NT5E: variants seen among roughly 807,000 people sequenced by gnomAD.
NT5E encodes 5'-nucleotidase ecto.
In NT5E, 53 loss-of-function variants were observed where a neutral mutation model predicts 55.1. That is an observed-to-expected ratio of 0.96 (90% CI 0.77 to 1.21). The LOEUF (loss-of-function observed/expected upper bound fraction) is 1.21. Ranked by LOEUF, NT5E falls within the 50% of genes most tolerant of loss-of-function variation. NT5E has a pLI of 0.00. For synonymous variants in NT5E, 270 were observed against 278.4 expected (o/e 0.97, Z 0.30); for missense variants, 683 against 724.3 (o/e 0.94, Z 0.65).
At chr6:85,458,906 C>T (rs1019842352) in intron 1 of NT5E, among the ~76,000 whole-genome samples, 2 of 152,182 alleles carry the variant, frequency 1.3e-5, no homozygotes, top group African/African-American at 2.4e-5. Flanking sequence ...CTGGGTTGAA[C>T]CCCAGGGTGT....
chr6:85,484,595 G>A (rs1769611698), intron 3 of NT5E, among the ~76,000 whole-genome samples: 1 of 152,142 alleles, frequency 6.6e-6, no homozygotes, highest in Admixed American at 6.5e-5. Context: ...GACACCTGAA[G>A]GGATGCAGAA....
At chr6:85,465,233 A>G (rs1769168651) in intron 1 of NT5E, among the ~76,000 whole-genome samples, 1 of 152,340 alleles carries the variant, frequency 6.6e-6, no homozygotes, top group African/African-American at 2.4e-5. Context: ...GAAGGCATCA[A>G]ACAAATAAAT....
At chr6:85,476,898 TG>T (rs796205200) in intron 3 of NT5E, among the ~76,000 whole-genome samples, 3 of 151,834 alleles carry the variant, frequency 2.0e-5, no homozygotes, top group African/African-American at 2.4e-5. Context: ...GGGGACAGGA[TG>T]GGGGGCAGGG....
At chr6:85,467,856 G>T (rs560302399) in intron 2 of NT5E, among the ~76,000 whole-genome samples, 6 of 151,362 alleles carry the variant, frequency 4.0e-5, no homozygotes, top group Non-Finnish European at 7.4e-5. Context: ...ATACACATAT[G>T]TATATATAAT....
intron 8 of NT5E, among the ~76,000 whole-genome samples, chr6:85,492,767 C>A (rs1769812976): frequency 1.3e-5 from 2 of 152,194 alleles, no homozygotes; most frequent in African/African-American, 4.8e-5. Flanking sequence ...ACATAGGACA[C>A]ACTTCCCCTT....
intron 1 of NT5E, among the ~76,000 whole-genome samples, chr6:85,453,738 A>T (rs556087732): frequency 6.6e-6 from 1 of 152,162 alleles, no homozygotes; most frequent in Non-Finnish European, 1.5e-5. Context: ...GCCCTAGCCA[A>T]TTGCTCCTAA....
At chr6:85,467,377 C>G (rs1769218132) in intron 2 of NT5E, 95 bp downstream of exon 2, 7 of 1,008,534 alleles carry the variant, frequency 6.9e-6, no homozygotes, top group Admixed American at 1.9e-5. Context: ...AAAGTAGGAA[C>G]AACTGGGTAA....
chr6:85,450,116 G>T lies in NT5E; in HGVS notation c.-24G>T. 3 of 1,540,290 alleles carry T rather than the reference G, an allele frequency of 1.9e-6. No individual in the cohort carries two copies. Among genetic ancestry groups the T allele is most frequent in the Non-Finnish European group, 2.6e-6 (3 of 1,146,494 alleles). On this transcript the variant is annotated 5_prime_UTR_variant, in exon 1 of 9. Coordinates refer to ENST00000257770, the MANE Select transcript of NT5E (RefSeq NM_002526.4). The surrounding 1 kb of genome is among the most constrained non-coding windows in gnomAD (Gnocchi z 4.0). ...GCACTCGCCCGGCTCGCCCGCTTTCGCACCCAGTTCACGCGCCACAGCTAT... is the reference window on the plus strand; with the variant it reads ...GCACTCGCCCGGCTCGCCCGCTTTCTCACCCAGTTCACGCGCCACAGCTAT...
chr6:85,468,048 A>G (rs1769230162), intron 2 of NT5E, among the ~76,000 whole-genome samples: 1 of 152,184 alleles, frequency 6.6e-6, no homozygotes, highest in Non-Finnish European at 1.5e-5. Flanking sequence ...AATTATCCAA[A>G]TTAAATGTGT....
intron 1 of NT5E, among the ~76,000 whole-genome samples, chr6:85,461,762 G>A (rs929057322): frequency 6.6e-6 from 1 of 152,198 alleles, no homozygotes; most frequent in African/African-American, 2.4e-5. Flanking sequence ...TTAAGACATT[G>A]GGAGATGGGA....
chr6:85,487,335 A>G lies in NT5E; in HGVS notation c.950A>G (p.Asp317Gly). 1 of 1,612,964 alleles carries G rather than the reference A, an allele frequency of 6.2e-7. No individual in the cohort carries two copies. The highest frequency in any genetic ancestry group is 8.5e-7 in the Non-Finnish European group (1 of 1,178,968). ...PILLNSSIPE[D>G]PSIKADINKW... ...GGGTACCTTCTTTTCTTTCTTCTAG[A>G]TCCAAGCATAAAAGCAGACATTAAC... Residue 317 changes from aspartate to glycine, a missense_variant and splice_region_variant, in exon 5 of 9, where the codon GAT (aspartate) becomes GGT (glycine). Coordinates refer to ENST00000257770, the MANE Select transcript of NT5E (RefSeq NM_002526.4).
At chr6:85,492,230 A>G in intron 8 of NT5E, 53 bp downstream of exon 8, 1 of 1,559,572 alleles carries the variant, frequency 6.4e-7, no homozygotes, top group South Asian at 1.1e-5. Flanking sequence ...TTGGGCCAAG[A>G]AGGGGAGCTA....
rs1159929493 is a variant in NT5E at position 85,492,136 on chromosome 6, G to C, written c.1520G>C (p.Gly507Ala). The C allele has an allele frequency of 4.3e-6, 7 of 1,614,016 alleles. No homozygotes were observed. Among genetic ancestry groups the C allele is most frequent in the Non-Finnish European group, 5.9e-6 (7 of 1,180,010 alleles). Residue 507 changes from glycine to alanine, a missense_variant, in exon 8 of 9, where the codon GGG becomes GCG. By Grantham distance (60) the Gly-to-Ala change is moderately conservative (BLOSUM62 0). Coordinates refer to ENST00000257770, the MANE Select transcript of NT5E (RefSeq NM_002526.4). ...LPNFLANGGD[G>A]FQMIKDELLR... ...AACTTCCTGGCCAATGGTGGAGATG[G>C]GTTCCAGATGATAAAAGATGAATTA...
At position 85,450,606 on chromosome 6, in the gene NT5E, G is replaced by A; in HGVS notation, c.339+128G>A. 1 of 863,166 alleles carries A rather than the reference G, an allele frequency of 1.2e-6. No homozygotes were observed. Among genetic ancestry groups the A allele is most frequent in the Admixed American group, 2.0e-5 (1 of 49,182 alleles). The allele number at this position is 863,166 out of a possible 1,614,324, so 53.5% of individuals were successfully genotyped here. ...GCGGAGAGATGTGGGGATAAAGTGA[G>A]ACTCCGGCCAGTGTGCCAGCTGGAT... On this transcript the variant is annotated intron_variant, in intron 1 of 8. Transcript: ENST00000257770. This position sits in a 1 kb window ranked among gnomAD's most constrained non-coding sequence, Gnocchi z 4.0.
intron 8 of NT5E, 143 bp downstream of exon 8, chr6:85,492,320 G>A: frequency 1.4e-6 from 1 of 694,098 alleles, no homozygotes; most frequent in Non-Finnish European, 2.5e-6. Flanking sequence ...CAGCAGCACA[G>A]CACAGCAGAG....
Position 85,485,250 on chromosome 6 carries a change from A to T in NT5E, c.767A>T (p.Lys256Ile), listed in dbSNP as rs1432502815. ...TTTATTTCAGGCAATCCACCTTCCA[A>T]AGAGGTGCCTGCTGGGAAGTACCCA... ...TFLYTGNPPS[K>I]EVPAGKYPFI... is the part of the protein sequence containing the mutation. Residue 256 changes from lysine to isoleucine, a missense_variant, in exon 4 of 9, where the codon AAA (lysine) becomes ATA (isoleucine). Coordinates refer to ENST00000257770, the MANE Select transcript of NT5E (RefSeq NM_002526.4). 2 of 1,614,118 alleles carry T rather than the reference A, an allele frequency of 1.2e-6. No homozygotes were observed. Among genetic ancestry groups the T allele is most frequent in the Non-Finnish European group, 1.7e-6 (2 of 1,180,004 alleles).
chr6:85,461,532 G>A (rs1769098141), intron 1 of NT5E, among the ~76,000 whole-genome samples: 1 of 152,180 alleles, frequency 6.6e-6, no homozygotes, highest in Admixed American at 6.5e-5. Flanking sequence ...TCTTAACTGG[G>A]AAATGGGTGT....
intron 3 of NT5E, among the ~76,000 whole-genome samples, chr6:85,473,594 T>C (rs1187106407): frequency 6.6e-6 from 1 of 152,140 alleles, no homozygotes; most frequent in Non-Finnish European, 1.5e-5. Flanking sequence ...CACACAAACA[T>C]ATATGTGTGT....
At position 85,471,265 on chromosome 6, in the gene NT5E, C is replaced by A; in HGVS notation, c.591C>A (p.Ile197=). 6.2e-7 allele frequency: 1 copy of A among 1,609,170 alleles called. No individual in the cohort carries two copies. The highest frequency in any genetic ancestry group is 1.1e-5 in the South Asian group (1 of 90,086). The change falls in exon 3 of 9, where the codon ATC becomes ATA. Residue 197 remains isoleucine (I), a synonymous_variant. Coordinates refer to ENST00000257770, the MANE Select transcript of NT5E (RefSeq NM_002526.4). ...PGTNLVFEDE[I]TALQPEVDKL... is the part of the protein sequence containing the mutation. ...CAAATTTAGTGTTTGAAGATGAAAT[C>A]ACTGCATTACAACCTGAAGTAGATA...
Sources: gnomAD v4.1 joint callset for allele counts (sites outside exome capture counted in the v4.1 genomes callset) on GRCh38, gnomAD v4.1.1 for gene constraint, Gnocchi (gnomAD v3.1) non-coding constraint, MANE v1.5 for transcripts, NCBI Gene and HGNC (gene_info 2026-07-23, HGNC 2026-07-21) for gene names.